The following TBC1D23 variants were observed in gnomAD, a reference collection of about 807,000 sequenced individuals.
TBC1D23 encodes HCV non-structural protein 4A-transactivated protein 1.
Under a neutral mutation model 91.4 loss-of-function variants are expected in TBC1D23, and 55 were observed. The ratio of observed to expected loss-of-function variants is 0.60; its 90% confidence interval spans 0.48 to 0.75. The LOEUF (loss-of-function observed/expected upper bound fraction) is 0.75, where lower values mean the gene tolerates loss of function less well. Among genes scored for constraint, TBC1D23 ranks in the 30% least tolerant of loss-of-function variants. The pLI is 0.00. For missense variants in TBC1D23, 725 were observed against 836.1 expected, an observed-to-expected ratio of 0.87 and a Z score of 1.64; for synonymous variants, 289 against 281.0, an observed-to-expected ratio of 1.03 and a Z score of -0.28.
At chr3:100,296,962 G>A (rs975585439) in intron 8 of TBC1D23, among the ~76,000 whole-genome samples, 1 of 151,766 alleles carries the variant, frequency 6.6e-6, no homozygotes, top group Non-Finnish European at 1.5e-5. Flanking sequence ...TCTTAATAAT[G>A]CTGAGCTGTC....
Position 100,296,285 on chromosome 3 carries a change from CAGAA to C in TBC1D23, c.876+12_876+15del, listed in dbSNP as rs748819036. 1.3e-4 allele frequency: 180 copies of C among 1,399,886 alleles called. No homozygotes were observed. The highest frequency in any genetic ancestry group is 1.7e-4 in the Non-Finnish European group (174 of 1,002,600). The allele number at this position is 1,399,886 out of a possible 1,614,324, so 86.7% of individuals were successfully genotyped here. On this transcript the variant is annotated intron_variant, in intron 8 of 18. Transcript: ENST00000394144. ...GGCTTCTTTTAGGAAGGTATAAGAC[CAGAA>C]ATGACCAACTATGTTGTATTTCATA... is the stretch of plus-strand genomic sequence containing the variant.
chr3:100,271,879 G>A (rs554624782), intron 1 of TBC1D23, among the ~76,000 whole-genome samples: 3 of 152,332 alleles, frequency 2.0e-5, no homozygotes, highest in South Asian at 2.1e-4. Flanking sequence ...TTCTGAATGT[G>A]ACAGAAAGAG....
chr3:100,311,765 T>C, intron 14 of TBC1D23, 68 bp from the exon 15 acceptor site: 1 of 1,080,906 alleles, frequency 9.3e-7, no homozygotes, highest in Non-Finnish European at 1.4e-6. Flanking sequence ...TACCATATTT[T>C]TTGTTTTAAA....
chr3:100,281,419 A>G (rs914302260), intron 2 of TBC1D23, among the ~76,000 whole-genome samples: 4 of 152,226 alleles, frequency 2.6e-5, no homozygotes, highest in Non-Finnish European at 5.9e-5. Flanking sequence ...CATGGCACAG[A>G]TGTACTTTTT....
chr3:100,306,662 A>C (rs962554025), intron 13 of TBC1D23, 119 bp downstream of exon 13: 3 of 590,046 alleles, frequency 5.1e-6, no homozygotes, highest in Admixed American at 2.9e-5. Flanking sequence ...CATGCAATGA[A>C]GAGTCATATT....
At chr3:100,302,361 GTCT>G in intron 11 of TBC1D23, 124 bp downstream of exon 11, 2 of 692,932 alleles carry the variant, frequency 2.9e-6, no homozygotes, top group Non-Finnish European at 4.4e-6. Flanking sequence ...ACTTGTTAAG[GTCT>G]TCTCCAGATT....
chr3:100,320,647 G>C, intron 17 of TBC1D23, 130 bp from the exon 18 acceptor site: 1 of 508,562 alleles, frequency 2.0e-6, no homozygotes. Flanking sequence ...ATTAACCTCT[G>C]TTTATATCTT....
intron 9 of TBC1D23, 25 bp downstream of exon 9, chr3:100,298,070 T>C: frequency 1.2e-6 from 2 of 1,604,984 alleles, no homozygotes; most frequent in Non-Finnish European, 1.7e-6. Flanking sequence ...CCCAGTTTGT[T>C]AGGGGACTGT....
chr3:100,272,931 C>G (rs903128858), intron 1 of TBC1D23, among the ~76,000 whole-genome samples: 1 of 152,180 alleles, frequency 6.6e-6, no homozygotes, highest in Non-Finnish European at 1.5e-5. Flanking sequence ...GGTTTTATAC[C>G]GAGACATTCC....
intron 9 of TBC1D23, among the ~76,000 whole-genome samples, chr3:100,298,920 C>T (rs954643102): frequency 2.0e-5 from 3 of 152,064 alleles, no homozygotes; most frequent in Non-Finnish European, 2.9e-5. Flanking sequence ...GTGTTTATAA[C>T]TATATAGCGT....
intron 15 of TBC1D23, among the ~76,000 whole-genome samples, chr3:100,315,255 C>T (rs922970943): frequency 3.4e-5 from 5 of 148,796 alleles, no homozygotes; most frequent in African/African-American, 7.4e-5. Flanking sequence ...CTCTGCCTCC[C>T]GGGTTCAAGT....
intron 3 of TBC1D23, 31 bp from the exon 4 acceptor site, chr3:100,283,576 A>G (rs761275034): frequency 6.7e-5 from 104 of 1,542,972 alleles, no homozygotes; most frequent in Non-Finnish European, 8.8e-5. Flanking sequence ...ACAGGCCCTC[A>G]GTAACTTTAT....
At chr3:100,298,661 C>T (rs902190073) in intron 9 of TBC1D23, among the ~76,000 whole-genome samples, 4 of 152,078 alleles carry the variant, frequency 2.6e-5, no homozygotes, top group Admixed American at 6.5e-5. Flanking sequence ...ACTGTATCTG[C>T]GCTGGTTATT....
Position 100,320,809 on chromosome 3 carries a change from G to A in TBC1D23, c.1856G>A (p.Cys619Tyr). 1 of 1,609,350 alleles carries A rather than the reference G, an allele frequency of 6.2e-7. No individual in the cohort carries two copies. The highest frequency in any genetic ancestry group is 8.5e-7 in the Non-Finnish European group (1 of 1,178,468). The change falls in exon 18 of 19, where the codon TGT becomes TAT. Residue 619 changes from cysteine to tyrosine, a missense_variant. Transcript: ENST00000394144. ...HLLVTATHMY[C>Y]LREIVSRKGL... ...TTGGTTACTGCAACACATATGTACT[G>A]TTTAAGGGAGATTGTTTCACGGAAA...
At chr3:100,275,388 A>G (rs1389833119) in intron 1 of TBC1D23, among the ~76,000 whole-genome samples, 2 of 152,090 alleles carry the variant, frequency 1.3e-5, no homozygotes. Flanking sequence ...CCTGAGCTCA[A>G]TTGATCCTCC....
intron 1 of TBC1D23, among the ~76,000 whole-genome samples, chr3:100,268,412 A>G (rs2067574293): frequency 6.6e-6 from 1 of 152,184 alleles, no homozygotes; most frequent in Admixed American, 6.5e-5. Flanking sequence ...AAAAAACCCA[A>G]TATGTATTTC....
At chr3:100,309,714 C>CAGTT (rs1705588827) in intron 13 of TBC1D23, among the ~76,000 whole-genome samples, 1 of 145,768 alleles carries the variant, frequency 6.9e-6, no homozygotes, top group Non-Finnish European at 1.5e-5. Flanking sequence ...CAGGTTCAAG[C>CAGTT]AGTTCTCTGC....
intron 1 of TBC1D23, among the ~76,000 whole-genome samples, chr3:100,263,586 G>A (rs1193044709): frequency 1.3e-5 from 2 of 151,970 alleles, no homozygotes; most frequent in Non-Finnish European, 2.9e-5. Context: ...AATGGCAAGA[G>A]AAAAAAGAAA....
chr3:100,278,157 A>G (rs139197578), intron 1 of TBC1D23, among the ~76,000 whole-genome samples: 11 of 152,202 alleles, frequency 7.2e-5, no homozygotes, highest in African/African-American at 2.7e-4. Context: ...TCTTAGTGAA[A>G]AAAATGAAGA....
Sources: allele counts gnomAD v4.1 joint callset (sites outside exome capture counted in the v4.1 genomes callset), GRCh38; gene constraint gnomAD v4.1.1; transcripts MANE v1.5; gene names NCBI Gene and HGNC (gene_info 2026-07-23, HGNC 2026-07-21).